BMP2K: variants seen among roughly 807,000 people sequenced by gnomAD.
BMP2K encodes BMP2 inducible kinase.
A neutral mutation model predicts 116.0 loss-of-function variants in BMP2K; 74 were observed. That is an observed-to-expected ratio of 0.64 (90% CI 0.53 to 0.77). The LOEUF (loss-of-function observed/expected upper bound fraction) is 0.77, where lower values mean the gene tolerates loss of function less well. BMP2K is among the 30% of genes least tolerant of loss of function. BMP2K has a pLI of 0.00. For missense variants in BMP2K, 1,365 were observed against 1,403.6 expected (o/e 0.97, Z 0.44); for synonymous variants, 486 against 502.5 (o/e 0.97, Z 0.44).
intron 3 of BMP2K, among the ~76,000 whole-genome samples, chr4:78,839,244 C>T (rs1299699035): frequency 6.6e-6 from 1 of 152,208 alleles, no homozygotes; most frequent in African/African-American, 2.4e-5. Flanking sequence ...AGCTCTGCTT[C>T]ACGTGTCCGT....
chr4:78,839,606 T>G (rs555547524), intron 3 of BMP2K, among the ~76,000 whole-genome samples: 1 of 152,240 alleles, frequency 6.6e-6, no homozygotes, highest in South Asian at 2.1e-4. Flanking sequence ...ACAGAACTAA[T>G]AGGATAGATA....
At chr4:78,780,637 A>G (rs556549599) in intron 1 of BMP2K, among the ~76,000 whole-genome samples, 1 of 152,312 alleles carries the variant, frequency 6.6e-6, no homozygotes, top group South Asian at 2.1e-4. Flanking sequence ...GAAAAAAGGG[A>G]AGGATCGAAT....
intron 1 of BMP2K, among the ~76,000 whole-genome samples, chr4:78,792,173 C>T (rs1275410638): frequency 6.6e-6 from 1 of 152,096 alleles, no homozygotes; most frequent in Non-Finnish European, 1.5e-5. Context: ...ATGTGCAGAA[C>T]CTCTGTGAAG....
Position 78,865,609 on chromosome 4 carries a change from C to T in BMP2K, c.1120C>T (p.Pro374Ser). ...TETSIAPRQR[P>S]KANSATTATP... ...AACCTCAATTGCACCAAGACAAAGA[C>T]CAAAGGCCAACTCTGCTACTACTGC... Residue 374 changes from proline (P) to serine (S), a missense_variant, in exon 10 of 16, where the codon CCA (proline) becomes TCA (serine). By Grantham distance (74) the Pro-to-Ser change is moderately conservative (BLOSUM62 -1). Transcript: ENST00000502613. The T allele has an allele frequency of 6.2e-7, 1 of 1,614,066 alleles. No homozygotes were observed. Among genetic ancestry groups the T allele is most frequent in the Non-Finnish European group, 8.5e-7 (1 of 1,179,996 alleles).
Position 78,910,734 on chromosome 4 carries a change from A to C in BMP2K, c.2187A>C (p.Val729=). 1 of 1,613,936 alleles carries C rather than the reference A, an allele frequency of 6.2e-7. No individual in the cohort carries two copies. Among genetic ancestry groups the C allele is most frequent in the African/African-American group, 1.3e-5 (1 of 75,052 alleles). ...AGCGGACTGGAAAGAAAACCTCAGTACAGGGTCAAGTGCAAAAGGGGAATG... is the reference window on the plus strand; with the variant it reads ...AGCGGACTGGAAAGAAAACCTCAGTCCAGGGTCAAGTGCAAAAGGGGAATG... ...KDQRTGKKTS[V]QGQVQKGNDE... The change falls in exon 16 of 16, where the codon GTA becomes GTC. Residue 729 remains valine (V), a synonymous_variant. Transcript: ENST00000502613.
At chr4:78,875,997 G>T (rs1398884159) in intron 13 of BMP2K, among the ~76,000 whole-genome samples, 1 of 152,176 alleles carries the variant, frequency 6.6e-6, no homozygotes, top group African/African-American at 2.4e-5. Context: ...TCTAGCTCAT[G>T]TTCAAGGGCA....
At chr4:78,847,560 TG>T (rs1466816851) in intron 6 of BMP2K, among the ~76,000 whole-genome samples, 1 of 151,678 alleles carries the variant, frequency 6.6e-6, no homozygotes, top group Non-Finnish European at 1.5e-5. Flanking sequence ...ACATTTTTTT[TG>T]AGTGGAATTT....
rs147699895 is a variant in BMP2K at position 78,865,591 on chromosome 4, A to G, written c.1102A>G (p.Ile368Val). The change falls in exon 10 of 16, where the codon ATT (isoleucine) becomes GTT (valine). Residue 368 changes from isoleucine to valine, a missense_variant. Ile to Val is a conservative substitution (Grantham distance 29). Transcript: ENST00000502613. The stretch of plus-strand genomic sequence containing the variant: ...TACCATTGGACCAACAGAAACCTCA[A>G]TTGCACCAAGACAAAGACCAAAGGC... Reference protein sequence around the residue: ...TDTIGPTETSIAPRQRPKANS... With the variant: ...TDTIGPTETSVAPRQRPKANS... The G allele has an allele frequency of 1.7e-4, 275 of 1,614,100 alleles. 1 individual carries two copies. The highest frequency in any genetic ancestry group is 4.7e-4 in the African/African-American group (35 of 75,030).
In BMP2K at chr4:78,844,920, T is replaced by G; in HGVS notation, c.547-8T>G. 1 of 1,588,234 alleles carries G rather than the reference T, an allele frequency of 6.3e-7. No homozygotes were observed. The highest frequency in any genetic ancestry group is 8.6e-7 in the Non-Finnish European group (1 of 1,160,612). On this transcript the variant is annotated splice_polypyrimidine_tract_variant and splice_region_variant and intron_variant, in intron 4 of 15. Coordinates refer to ENST00000502613, the MANE Select transcript of BMP2K (RefSeq NM_198892.2). ...AATACTACTCATTATTGATTTTCTTTTCTTAAGGTAGAAAATATTTTGTTG... is the reference window on the plus strand; with the variant it reads ...AATACTACTCATTATTGATTTTCTTGTCTTAAGGTAGAAAATATTTTGTTG...
chr4:78,864,663 T>C lies in BMP2K; in HGVS notation c.1068-894T>C, dbSNP rs74780441. Among the ~76,000 whole-genome samples, 25 of 152,166 alleles carry C rather than the reference T, an allele frequency of 1.6e-4. No homozygotes were observed. In the East Asian group the frequency reaches 4.6e-3, roughly 28 times the overall value. On this transcript the variant is annotated intron_variant, in intron 9 of 15. Transcript: ENST00000502613. Reference sequence around the variant, plus strand: ...CTGGATCTGTGCACTTGTTGATAGATGCAAATGCAGCAGATGTGTGCTTCA... The same window carrying C: ...CTGGATCTGTGCACTTGTTGATAGACGCAAATGCAGCAGATGTGTGCTTCA...
At chr4:78,904,518 A>G (rs1030347426) in intron 15 of BMP2K, among the ~76,000 whole-genome samples, 1 of 151,930 alleles carries the variant, frequency 6.6e-6, no homozygotes, top group Admixed American at 6.6e-5. Flanking sequence ...TTAAAACTTT[A>G]TAACCTATCA....
chr4:78,868,518 T>C (rs550709006), intron 10 of BMP2K, among the ~76,000 whole-genome samples: 5 of 152,178 alleles, frequency 3.3e-5, no homozygotes, highest in African/African-American at 1.2e-4. Flanking sequence ...CCAACAGTCC[T>C]CCAAAGTCAT....
chr4:78,872,042 A>G (rs1732384983), intron 12 of BMP2K, 94 bp downstream of exon 12: 3 of 914,758 alleles, frequency 3.3e-6, no homozygotes, highest in Non-Finnish European at 4.9e-6. Context: ...TAGTAATTCA[A>G]AATCAAGTAA....
intron 3 of BMP2K, among the ~76,000 whole-genome samples, chr4:78,841,245 A>G (rs1459317628): frequency 6.6e-6 from 1 of 152,216 alleles, no homozygotes. Context: ...GCATATGTTC[A>G]TTTATCTAAC....
chr4:78,881,481 A>G (rs908665466), intron 14 of BMP2K, among the ~76,000 whole-genome samples: 9 of 152,116 alleles, frequency 5.9e-5, no homozygotes, highest in Admixed American at 4.6e-4. Context: ...TTAGGGTTCA[A>G]AAAAGGTGAA....
At chr4:78,845,128 A>C in intron 5 of BMP2K, 79 bp downstream of exon 5, 1 of 1,188,550 alleles carries the variant, frequency 8.4e-7, no homozygotes. Context: ...TGCTAATACA[A>C]ATTTTAGGTA....
chr4:78,820,676 A>T (rs1560514547), intron 1 of BMP2K: 1 of 152,488 alleles, frequency 6.6e-6, no homozygotes, highest in African/African-American at 2.4e-5. Context: ...GGTTCAAGCA[A>T]TTCTCCTGCC....
At chr4:78,875,771 C>T (rs565010844) in intron 13 of BMP2K, among the ~76,000 whole-genome samples, 42 of 152,262 alleles carry the variant, frequency 2.8e-4, no homozygotes, top group Admixed American at 2.7e-3. Flanking sequence ...GCTTCAGTCC[C>T]CTGCCACATG....
chr4:78,827,736 A>G (rs1016758685), intron 2 of BMP2K, among the ~76,000 whole-genome samples: 3 of 152,160 alleles, frequency 2.0e-5, no homozygotes, highest in Admixed American at 2.0e-4. Flanking sequence ...GGCTTCCACC[A>G]CTGTTCAGTT....
Sources: gnomAD v4.1 joint callset for allele counts (sites outside exome capture counted in the v4.1 genomes callset) on GRCh38, gnomAD v4.1.1 for gene constraint, MANE v1.5 for transcripts, NCBI Gene and HGNC (gene_info 2026-07-23, HGNC 2026-07-21) for gene names.